TMEM161B: variants seen among roughly 807,000 people sequenced by gnomAD.
TMEM161B encodes transmembrane protein 161B.
A neutral mutation model predicts 61.8 loss-of-function variants in TMEM161B; 34 were observed. The observed-to-expected ratio is 0.55, with a 90% CI of 0.42 to 0.73. The LOEUF (loss-of-function observed/expected upper bound fraction) is 0.73. Among genes scored for constraint, TMEM161B ranks in the 30% least tolerant of loss-of-function variants. TMEM161B has a pLI of 0.00. For missense variants in TMEM161B, 456 were observed against 558.5 expected (o/e 0.82, Z 1.85); for synonymous variants, 167 against 192.8 (o/e 0.87, Z 1.11).
intron 2 of TMEM161B, among the ~76,000 whole-genome samples, chr5:88,228,962 CCTTT>C (rs760200933): frequency 4.0e-4 from 61 of 152,110 alleles, no homozygotes; most frequent in Non-Finnish European, 7.9e-4. Context: ...GGTAGTCTTT[CCTTT>C]CTTTCCCTTT....
At chr5:88,220,502 G>T (rs560255265) in intron 5 of TMEM161B, 61 bp downstream of exon 5, 3 of 1,281,120 alleles carry the variant, frequency 2.3e-6, no homozygotes, top group South Asian at 2.2e-5. Flanking sequence ...TCAAATCAGA[G>T]ATGAGATCTA....
chr5:88,221,705 G>C (rs923133311), intron 4 of TMEM161B: 2 of 455,938 alleles, frequency 4.4e-6, no homozygotes, highest in Middle Eastern at 3.3e-4. Flanking sequence ...AGGTATTCTG[G>C]TTTACTTCTA....
In TMEM161B at chr5:88,195,769, T is replaced by G. The variant is rs555390929; in HGVS notation, c.*442A>C. On this transcript the variant is annotated 3_prime_UTR_variant, in exon 12 of 12. Coordinates refer to ENST00000296595, the MANE Select transcript of TMEM161B (RefSeq NM_153354.5). ...TAATAAATTACCAACAGAAGAGACT[T>G]TAGCCCCTTTCCCTCCCCTAAAGCA... 69 of 988,496 alleles carry G rather than the reference T, an allele frequency of 7.0e-5. No homozygotes were observed. In the South Asian group the frequency reaches 1.6e-3, roughly 23 times the overall value. The allele number at this position is 988,496 out of a possible 1,614,324, so 61.2% of individuals were successfully genotyped here. A position where few individuals can be genotyped will look rare whatever the true frequency, so the allele number is the denominator to read the frequency against.
In TMEM161B at chr5:88,225,326, GTAGTTA is replaced by G. The variant is rs1259173294; in HGVS notation, c.289+437_289+442del. Among the ~76,000 whole-genome samples, 8 of 152,236 alleles carry G rather than the reference GTAGTTA, an allele frequency of 5.3e-5. No homozygotes were observed. In the East Asian group the frequency reaches 1.4e-3, roughly 26 times the overall value. On this transcript the variant is annotated intron_variant, in intron 4 of 11. Coordinates refer to ENST00000296595, the MANE Select transcript of TMEM161B (RefSeq NM_153354.5). Reference sequence around the variant, plus strand: ...TCTTCTGGTTAGCAGTAGGCTATTAGTAGTTAGGTTATGGGGGGTAAAAAGTCATAC... The same window carrying G: ...TCTTCTGGTTAGCAGTAGGCTATTAGGGTTATGGGGGGTAAAAAGTCATAC...
At chr5:88,224,342 T>C (rs896828684) in intron 4 of TMEM161B, among the ~76,000 whole-genome samples, 14 of 152,180 alleles carry the variant, frequency 9.2e-5, no homozygotes, top group Non-Finnish European at 1.9e-4. Flanking sequence ...TCAAGTGGTT[T>C]TGATATATCC....
In TMEM161B at chr5:88,220,727, GAAAAAAAAAA is replaced by G. The variant is rs764112016; in HGVS notation, c.290-18_290-9del. On this transcript the variant is annotated splice_polypyrimidine_tract_variant and intron_variant, in intron 4 of 11. Coordinates refer to ENST00000296595, the MANE Select transcript of TMEM161B (RefSeq NM_153354.5). ...CTGGAAAGTAATGCAATGCTGGAAAGAAAAAAAAAAAAAAAAAAAAAAAAGGTCAAAAAAA... is the reference window on the plus strand; with the variant it reads ...CTGGAAAGTAATGCAATGCTGGAAAGAAAAAAAAAAAAAAGGTCAAAAAAA... 96 of 602,772 alleles carry G rather than the reference GAAAAAAAAAA, an allele frequency of 1.6e-4. No individual in the cohort carries two copies. The highest frequency in any genetic ancestry group is 7.0e-4 in the Middle Eastern group (1 of 1,420). 37.3% of individuals were successfully genotyped at this position (602,772 alleles called of 1,614,324 possible). A position where few individuals can be genotyped will look rare whatever the true frequency, so the allele number is the denominator to read the frequency against.
chr5:88,251,362 G>A (rs1754323207), intron 1 of TMEM161B, among the ~76,000 whole-genome samples: 1 of 151,946 alleles, frequency 6.6e-6, no homozygotes, highest in African/African-American at 2.4e-5. Context: ...TGACTCCTGA[G>A]CAATAAGGGA....
Position 88,206,430 on chromosome 5 carries a change from A to G in TMEM161B, c.659+9T>C. Reference sequence around the variant, plus strand: ...AATTTAAATAATGCTTAATTTTTCAAAAACTTACTGAGATTCTAAACCTTG... The same window carrying G: ...AATTTAAATAATGCTTAATTTTTCAGAAACTTACTGAGATTCTAAACCTTG... On this transcript the variant is annotated intron_variant, in intron 7 of 11. Transcript: ENST00000296595. 1 of 1,591,302 alleles carries G rather than the reference A, an allele frequency of 6.3e-7. No homozygotes were observed. Among genetic ancestry groups the G allele is most frequent in the Non-Finnish European group, 8.6e-7 (1 of 1,169,434 alleles).
At chr5:88,230,715 G>A (rs1009177341) in intron 2 of TMEM161B, among the ~76,000 whole-genome samples, 1 of 152,054 alleles carries the variant, frequency 6.6e-6, no homozygotes, top group African/African-American at 2.4e-5. Context: ...ATCTCCTATT[G>A]TTTACAAGCA....
At chr5:88,242,031 C>T (rs1752834812) in intron 1 of TMEM161B, among the ~76,000 whole-genome samples, 1 of 151,688 alleles carries the variant, frequency 6.6e-6, no homozygotes, top group African/African-American at 2.4e-5. Flanking sequence ...GAATAGTCTT[C>T]CTCTATCTTC....
chr5:88,248,486 A>G (rs116212804), intron 1 of TMEM161B, among the ~76,000 whole-genome samples: 1,637 of 152,222 alleles, frequency 0.011, 25 homozygotes, highest in African/African-American at 0.036. Flanking sequence ...AAAAAGTCAG[A>G]TAACACTACA....
intron 1 of TMEM161B, among the ~76,000 whole-genome samples, chr5:88,248,575 T>G (rs928220830): frequency 1.3e-5 from 2 of 151,896 alleles, no homozygotes; most frequent in African/African-American, 4.8e-5. Context: ...AAAACAGAGA[T>G]TTCTTCCAAA....
chr5:88,254,656 G>A (rs1235639243), intron 1 of TMEM161B, among the ~76,000 whole-genome samples: 1 of 152,032 alleles, frequency 6.6e-6, no homozygotes, highest in African/African-American at 2.4e-5. Flanking sequence ...GGGCAACATA[G>A]CGAGACACCC....
chr5:88,191,980 GTGTATATA>G (rs1561287211), downstream of TMEM161B, among the ~76,000 whole-genome samples: 1 of 9,130 alleles, frequency 1.1e-4, no homozygotes, highest in Non-Finnish European at 1.7e-4. Context: ...AAAAAAAAAA[GTGTATATA>G]TATATATATA....
chr5:88,207,371 T>C (rs1354622341), intron 5 of TMEM161B, among the ~76,000 whole-genome samples, 191 bp from the exon 6 acceptor site: 1 of 152,198 alleles, frequency 6.6e-6, no homozygotes, highest in Non-Finnish European at 1.5e-5. Flanking sequence ...TTCTAGTTTA[T>C]CTCACTCAAA....
chr5:88,200,823 T>C (rs1166469212), intron 9 of TMEM161B: 1 of 152,100 alleles, frequency 6.6e-6, no homozygotes, highest in Non-Finnish European at 1.5e-5. Flanking sequence ...GGACTCTGTT[T>C]ACCATATTTT....
At chr5:88,235,225 A>C (rs1051277850) in intron 2 of TMEM161B, among the ~76,000 whole-genome samples, 1 of 152,226 alleles carries the variant, frequency 6.6e-6, no homozygotes, top group Non-Finnish European at 1.5e-5. Context: ...TGCTTTAGAA[A>C]TTTTAAGAAA....
rs1190431319 is a variant in TMEM161B, at chr5:88,205,955, C to G, written c.660-1G>C. The G allele has an allele frequency of 6.3e-7, 1 of 1,577,606 alleles. No individual in the cohort carries two copies. Among genetic ancestry groups the G allele is most frequent in the Non-Finnish European group, 8.6e-7 (1 of 1,165,674 alleles). On this transcript the variant is annotated splice_acceptor_variant, in intron 7 of 11. Transcript: ENST00000296595. LOFTEE classifies it high-confidence loss of function. ...GAAAGTAAGTTTTGAAACAGGACTC[C>G]TAAAAATAAAATTTTTTAAAAAGCT...
At chr5:88,220,753 G>C in intron 4 of TMEM161B, 34 bp from the exon 5 acceptor site, 11 of 1,255,246 alleles carry the variant, frequency 8.8e-6, no homozygotes, top group Admixed American at 3.0e-5. Context: ...AAAAAAAAAG[G>C]TCAAAAAAAA....
Sources: allele counts gnomAD v4.1 joint callset (sites outside exome capture counted in the v4.1 genomes callset), GRCh38; gene constraint gnomAD v4.1.1; transcripts MANE v1.5; gene names NCBI Gene and HGNC (gene_info 2026-07-23, HGNC 2026-07-21).